Variants in LTBP1 observed in about 807,000 individuals in gnomAD.
LTBP1 encodes latent transforming growth factor beta binding protein 1, also known as latent-transforming growth factor beta-binding protein 1.
A neutral mutation model predicts 207.6 loss-of-function variants in LTBP1; 129 were observed. The ratio of observed to expected loss-of-function variants is 0.62; its 90% CI spans 0.54 to 0.72. The LOEUF is 0.72. Ranked by LOEUF, LTBP1 falls within the 30% of genes least tolerant of loss-of-function variation. The pLI, the probability that LTBP1 is intolerant of heterozygous loss-of-function variation, is 0.00. For synonymous variants in LTBP1, 963 were observed against 833.7 expected, an observed-to-expected ratio of 1.16 and a Z score of -2.67; for missense variants, 2,281 against 2,217.2, an observed-to-expected ratio of 1.03 and a Z score of -0.58.
intron 5 of LTBP1, among the ~76,000 whole-genome samples, chr2:33,166,123 G>C (rs1013108259): frequency 6.8e-6 from 1 of 148,006 alleles, no homozygotes; most frequent in African/African-American, 2.5e-5. Context: ...ACAACTTTAT[G>C]TTGAGATCAA....
Position 33,347,241 on chromosome 2 carries a change from G to A in LTBP1, c.3857-126G>A, listed in dbSNP as rs560920790. On this transcript the variant is annotated intron_variant, in intron 25 of 33. Coordinates refer to ENST00000404816, the MANE Select transcript of LTBP1 (RefSeq NM_206943.4). ...CCCCTTCCCTAAAAGAGCAGAAGGG[G>A]TTTGACTGCTCTCTGGGGATCGCCT... The A allele has an allele frequency of 4.2e-5, 43 of 1,016,308 alleles. No individual in the cohort carries two copies. The South Asian group carries it at 5.6e-4, about 13-fold the overall frequency. The allele number at this position is 1,016,308 out of a possible 1,614,324, so 63.0% of individuals were successfully genotyped here.
intron 3 of LTBP1, among the ~76,000 whole-genome samples, chr2:33,040,733 C>T (rs892522966): frequency 1.3e-5 from 2 of 152,182 alleles, no homozygotes; most frequent in Non-Finnish European, 2.9e-5. Context: ...GATGATTGAA[C>T]TATTTACTGG....
rs776159102 is a variant in LTBP1, at chr2:33,315,144, A to T, written c.3605A>T (p.Asp1202Val). The T allele has an allele frequency of 3.8e-6, 6 of 1,595,516 alleles. 1 individual carries two copies. In the South Asian group the frequency reaches 4.6e-5, roughly 12 times the overall value. Residue 1202 changes from aspartate (D) to valine (V), a missense_variant and splice_region_variant, in exon 24 of 34, where the codon GAT (aspartate) becomes GTT (valine). Around this residue, in one of 3 missense-constraint regions of LTBP1, gnomAD observed 1,671 missense variants for 1,634.8 expected, o/e 1.02. Transcript: ENST00000404816. The stretch of plus-strand genomic sequence containing the variant: ...TTTAAGACTCTATTTTAAATTACAG[A>T]TATTAATGAATGTGAACATCCAGGG... ...FQLDDNKTCQ[D>V]INECEHPGLC...
At chr2:32,958,927 C>A (rs778116652) in intron 2 of LTBP1, among the ~76,000 whole-genome samples, 1 of 152,202 alleles carries the variant, frequency 6.6e-6, no homozygotes, top group Non-Finnish European at 1.5e-5. Flanking sequence ...TAGAATCTTT[C>A]TGTTCAACAT....
intron 7 of LTBP1, among the ~76,000 whole-genome samples, chr2:33,216,862 G>T (rs2090749498): frequency 6.6e-6 from 1 of 152,128 alleles, no homozygotes; most frequent in Non-Finnish European, 1.5e-5. Flanking sequence ...GTCTTACCTG[G>T]TCTTAACACT....
intron 23 of LTBP1, among the ~76,000 whole-genome samples, chr2:33,313,062 G>A (rs1344856992): frequency 6.6e-6 from 1 of 152,192 alleles, no homozygotes. Context: ...TTACCAATAG[G>A]TAGAGAACAA....
chr2:33,260,315 A>G (rs2092975279), intron 13 of LTBP1, among the ~76,000 whole-genome samples: 1 of 152,216 alleles, frequency 6.6e-6, no homozygotes, highest in Non-Finnish European at 1.5e-5. Context: ...CTACTATGAT[A>G]TATTGCTAGA....
intron 2 of LTBP1, among the ~76,000 whole-genome samples, chr2:32,984,642 C>G (rs1309085561): frequency 1.3e-5 from 2 of 152,184 alleles, no homozygotes; most frequent in African/African-American, 4.8e-5. Context: ...CAATTCTGGG[C>G]CAGGCGCGGT....
chr2:33,011,451 G>A (rs765307508), intron 2 of LTBP1, among the ~76,000 whole-genome samples: 3 of 152,114 alleles, frequency 2.0e-5, no homozygotes, highest in African/African-American at 2.4e-5. Flanking sequence ...GGTCATTAGT[G>A]TGGGCCTTAA....
intron 2 of LTBP1, among the ~76,000 whole-genome samples, chr2:32,969,025 G>T (rs534886132): frequency 6.7e-6 from 1 of 150,100 alleles, no homozygotes; most frequent in African/African-American, 2.5e-5. Context: ...AGCAGGGCTC[G>T]AGCAATTCCC....
Position 33,021,189 on chromosome 2 carries a change from C to G in LTBP1, c.846C>G (p.Pro282=), listed in dbSNP as rs1340996574. The change falls in exon 3 of 34, where the codon CCC becomes CCG. Residue 282 remains proline (P), a synonymous_variant. Transcript: ENST00000404816. ...TLKPKPSVGL[P]QQIHSQVTPL... ...AGCCGAAGCCTTCAGTGGGACTCCC[C>G]CAGCAGATACATTCTCAGTGAGTGT... 6.3e-7 allele frequency: 1 copy of G among 1,598,068 alleles called. No homozygotes were observed. The highest frequency in any genetic ancestry group is 8.6e-7 in the Non-Finnish European group (1 of 1,169,198).
intron 3 of LTBP1, among the ~76,000 whole-genome samples, chr2:33,031,848 T>C (rs1306235568): frequency 6.6e-6 from 1 of 151,998 alleles, no homozygotes; most frequent in Non-Finnish European, 1.5e-5. Context: ...AAGATGGCTC[T>C]GATAGTCACT....
chr2:32,988,218 G>A (rs889893622), intron 2 of LTBP1, among the ~76,000 whole-genome samples: 8 of 152,242 alleles, frequency 5.3e-5, no homozygotes, highest in Non-Finnish European at 1.2e-4. Context: ...ATAAGTTTCT[G>A]TTGTTTAAAG....
At chr2:33,362,666 G>C (rs943803815) in intron 28 of LTBP1, among the ~76,000 whole-genome samples, 4 of 152,172 alleles carry the variant, frequency 2.6e-5, no homozygotes, top group African/African-American at 9.7e-5. Flanking sequence ...CATCTATGGA[G>C]TCTTCAGGTT....
intron 26 of LTBP1, among the ~76,000 whole-genome samples, chr2:33,357,345 G>A (rs1004694738): frequency 2.0e-5 from 3 of 152,162 alleles, no homozygotes; most frequent in Non-Finnish European, 4.4e-5. Flanking sequence ...CCCAGCAGCA[G>A]AGATTATCTG....
At chr2:33,264,618 G>A (rs2148095179) in intron 15 of LTBP1, among the ~76,000 whole-genome samples, 1 of 152,244 alleles carries the variant, frequency 6.6e-6, no homozygotes, top group Non-Finnish European at 1.5e-5. Context: ...ATACCAAGAA[G>A]CATGTAACAG....
chr2:33,383,274 A>G (rs938100852), intron 31 of LTBP1, among the ~76,000 whole-genome samples: 6 of 152,182 alleles, frequency 3.9e-5, no homozygotes, highest in African/African-American at 1.4e-4. Flanking sequence ...AATCACTCGA[A>G]TCTGGGAGGT....
At chr2:33,087,714 C>A (rs192688562) in intron 3 of LTBP1, among the ~76,000 whole-genome samples, 2 of 152,298 alleles carry the variant, frequency 1.3e-5, no homozygotes, top group East Asian at 3.9e-4. Flanking sequence ...ATATAAGTCA[C>A]ATTGTTTATA....
intron 19 of LTBP1, among the ~76,000 whole-genome samples, chr2:33,287,032 G>A (rs1253995524): frequency 2.6e-5 from 4 of 152,110 alleles, no homozygotes; most frequent in Admixed American, 2.0e-4. Context: ...GTATACATAT[G>A]TAACAAACCT....
Sources: gnomAD v4.1 joint callset for allele counts (sites outside exome capture counted in the v4.1 genomes callset) on GRCh38, gnomAD v4.1.1 for gene constraint, gnomAD v4.1.1 regional missense constraint, MANE v1.5 for transcripts, NCBI Gene and HGNC (gene_info 2026-07-23, HGNC 2026-07-21) for gene names.